NKAIN3: variants seen among roughly 807,000 people sequenced by gnomAD.
The protein encoded by NKAIN3 is sodium/potassium transporting ATPase interacting 3.
In NKAIN3, 25 loss-of-function variants were observed where a neutral mutation model predicts 30.2. That is an observed-to-expected ratio of 0.83 (90% confidence interval 0.60 to 1.16). The LOEUF is 1.16. Ranked by LOEUF, NKAIN3 falls within the 50% of genes most tolerant of loss-of-function variation. The pLI is 0.00. For synonymous variants in NKAIN3, 91 were observed against 89.6 expected, an observed-to-expected ratio of 1.02 and a Z score of -0.09; for missense variants, 225 against 254.1, an observed-to-expected ratio of 0.89 and a Z score of 0.78.
intron 1 of NKAIN3, among the ~76,000 whole-genome samples, chr8:62,286,958 AACATCTT>A (rs1813398117): frequency 6.6e-6 from 1 of 151,784 alleles, no homozygotes; most frequent in Admixed American, 6.6e-5. Context: ...CTTTGAGGAA[AACATCTT>A]ATATGAAGGG....
intron 1 of NKAIN3, among the ~76,000 whole-genome samples, chr8:62,563,013 C>T (rs1157928472): frequency 6.6e-6 from 1 of 151,980 alleles, no homozygotes; most frequent in Non-Finnish European, 1.5e-5. Flanking sequence ...GTGTTCCTGC[C>T]AGCTTGTTTG....
chr8:62,447,782 G>T lies in NKAIN3; in HGVS notation c.55-131757G>T, dbSNP rs568302679. Reference sequence around the variant, plus strand: ...CTTCCTTGGATATCCAAAGTCTAGGGGGACACTGATTATATCTATGTAATT... The same window carrying T: ...CTTCCTTGGATATCCAAAGTCTAGGTGGACACTGATTATATCTATGTAATT... On this transcript the variant is annotated intron_variant, in intron 1 of 6. Coordinates refer to ENST00000623646, the MANE Select transcript of NKAIN3 (RefSeq NM_001304533.3). Among the ~76,000 whole-genome samples, 65 of 152,056 alleles carry T rather than the reference G, an allele frequency of 4.3e-4. No individual in the cohort carries two copies. In the South Asian group the frequency reaches 9.7e-3, roughly 23 times the overall value.
At chr8:62,711,539 T>G (rs1160522099) in intron 3 of NKAIN3, among the ~76,000 whole-genome samples, 1 of 152,160 alleles carries the variant, frequency 6.6e-6, no homozygotes, top group African/African-American at 2.4e-5. Context: ...GCTAAGACTT[T>G]CCAGAGCATT....
rs559075410 is a variant in NKAIN3 at position 62,508,404 on chromosome 8, C to T, written c.55-71135C>T. Among the ~76,000 whole-genome samples, 3 of 152,284 alleles carry T rather than the reference C, an allele frequency of 2.0e-5. No individual in the cohort carries two copies. The East Asian group carries it at 5.8e-4, about 29-fold the overall frequency. The stretch of plus-strand genomic sequence containing the variant: ...TTTAGACCTTCTTGTCACTTTACAG[C>T]TCACTCAAGCCAAGTCACAAACATT... On this transcript the variant is annotated intron_variant, in intron 1 of 6. Coordinates refer to ENST00000623646, the MANE Select transcript of NKAIN3 (RefSeq NM_001304533.3).
rs190293679 is a variant in NKAIN3 at position 62,257,145 on chromosome 8, A to G, written c.54+8018A>G. Among the ~76,000 whole-genome samples, 242 of 152,292 alleles carry G rather than the reference A, an allele frequency of 1.6e-3. 1 individual carries two copies. The highest frequency in any genetic ancestry group is 5.1e-3 in the African/African-American group (214 of 41,582). ...TTGGCAATTTTGAAATATACAATAC[A>G]GTATTATTAACTATAGTCACTATGC... On this transcript the variant is annotated intron_variant, in intron 1 of 6. Transcript: ENST00000623646.
intron 1 of NKAIN3, among the ~76,000 whole-genome samples, chr8:62,466,149 C>A (rs1172694401): frequency 6.6e-6 from 1 of 151,902 alleles, no homozygotes; most frequent in Non-Finnish European, 1.5e-5. Context: ...TGGAAGAGAA[C>A]CTTAACGAAA....
intron 4 of NKAIN3, among the ~76,000 whole-genome samples, chr8:62,848,298 C>A (rs538178954): frequency 5.9e-5 from 9 of 152,134 alleles, no homozygotes; most frequent in Admixed American, 5.9e-4. Context: ...TGATTCTATC[C>A]ACGAGCATGG....
In NKAIN3 at chr8:62,820,879, C is replaced by G. The variant is rs553859271; in HGVS notation, c.471+73750C>G. 2.0e-5 allele frequency among the ~76,000 whole-genome samples: 3 copies of G among 152,210 alleles called. No homozygotes were observed. In the East Asian group the frequency reaches 5.8e-4, roughly 29 times the overall value. On this transcript the variant is annotated intron_variant, in intron 4 of 6. Coordinates refer to ENST00000623646, the MANE Select transcript of NKAIN3 (RefSeq NM_001304533.3). ...GCATATTTAGCTAAGTAATTTGAAGCAATCTGAGTCTACAAAGCCTTTATT... is the reference window on the plus strand; with the variant it reads ...GCATATTTAGCTAAGTAATTTGAAGGAATCTGAGTCTACAAAGCCTTTATT...
At chr8:62,382,383 T>C (rs1817305118) in intron 1 of NKAIN3, among the ~76,000 whole-genome samples, 1 of 152,128 alleles carries the variant, frequency 6.6e-6, no homozygotes, top group Admixed American at 6.6e-5. Flanking sequence ...TTGGTCTTGC[T>C]GTCTCAGAGG....
rs763332087 is a variant in NKAIN3, at chr8:62,440,592, A to G, written c.55-138947A>G. 9.2e-5 allele frequency among the ~76,000 whole-genome samples: 14 copies of G among 152,092 alleles called. 1 individual carries two copies. The highest frequency in any genetic ancestry group is 5.9e-4 in the Admixed American group (9 of 15,262). ...GCTAGTGTCCCTGCGACCTGTGTAC[A>G]TGTTGATTCTCAAGTTTTTGTTACC... On this transcript the variant is annotated intron_variant, in intron 1 of 6. Transcript: ENST00000623646.
intron 1 of NKAIN3, among the ~76,000 whole-genome samples, chr8:62,354,829 T>A (rs529024089): frequency 6.6e-6 from 1 of 152,264 alleles, no homozygotes; most frequent in South Asian, 2.1e-4. Flanking sequence ...ACAGGGGACA[T>A]AAAGAAGGCT....
At chr8:62,624,055 A>T (rs1811711429) in intron 3 of NKAIN3, among the ~76,000 whole-genome samples, 1 of 152,068 alleles carries the variant, frequency 6.6e-6, no homozygotes, top group Admixed American at 6.6e-5. Flanking sequence ...GGCATTTGTA[A>T]ACTGTCATGG....
chr8:62,904,587 G>A (rs528608434), intron 4 of NKAIN3, among the ~76,000 whole-genome samples: 2 of 152,288 alleles, frequency 1.3e-5, no homozygotes, highest in East Asian at 3.9e-4. Flanking sequence ...AGTTTACAGT[G>A]GCTGAGCAAC....
intron 1 of NKAIN3, among the ~76,000 whole-genome samples, chr8:62,273,287 G>A (rs1306733173): frequency 6.6e-6 from 1 of 152,062 alleles, no homozygotes; most frequent in Non-Finnish European, 1.5e-5. Context: ...TGGGAGTTCT[G>A]TTATTTAATT....
rs372261292 is a variant in NKAIN3, at chr8:62,652,986, C to A, written c.273+63192C>A. 1.4e-4 allele frequency among the ~76,000 whole-genome samples: 21 copies of A among 152,214 alleles called. No homozygotes were observed. The South Asian group carries it at 3.9e-3, about 29-fold the overall frequency. ...AGGAAAGGGGGAATGTGATTTTCTT[C>A]TTTTGGGCACATTGAACCAAATTCT... On this transcript the variant is annotated intron_variant, in intron 3 of 6. Transcript: ENST00000623646.
chr8:62,445,126 A>G (rs1805441199), intron 1 of NKAIN3, among the ~76,000 whole-genome samples: 1 of 152,016 alleles, frequency 6.6e-6, no homozygotes, highest in East Asian at 1.9e-4. Flanking sequence ...TTGTATTTTT[A>G]ATAGAGACGG....
chr8:62,320,072 T>A (rs2129589322), intron 1 of NKAIN3, among the ~76,000 whole-genome samples: 1 of 152,296 alleles, frequency 6.6e-6, no homozygotes, highest in Non-Finnish European at 1.5e-5. Context: ...AATTGATCCC[T>A]TTACCATTAT....
chr8:62,527,997 C>A (rs1808363092), intron 1 of NKAIN3, among the ~76,000 whole-genome samples: 1 of 150,530 alleles, frequency 6.6e-6, no homozygotes, highest in Non-Finnish European at 1.5e-5. Context: ...TTATTTAGTT[C>A]TTTCTTGTCC....
intron 3 of NKAIN3, among the ~76,000 whole-genome samples, chr8:62,607,627 T>G (rs1417615290): frequency 1.3e-5 from 2 of 152,198 alleles, no homozygotes; most frequent in Non-Finnish European, 2.9e-5. Flanking sequence ...CCACTTTTTA[T>G]TAGTGTAATT....
Sources: allele counts gnomAD v4.1 joint callset (sites outside exome capture counted in the v4.1 genomes callset), GRCh38; gene constraint gnomAD v4.1.1; transcripts MANE v1.5; gene names NCBI Gene and HGNC (gene_info 2026-07-23, HGNC 2026-07-21).